The following CCDC60 variants were observed in gnomAD, a reference collection of about 807,000 sequenced individuals.
The protein encoded by CCDC60 is coiled-coil domain-containing protein 60.
Under a neutral mutation model 63.5 loss-of-function variants are expected in CCDC60, and 54 were observed. The ratio of observed to expected loss-of-function variants is 0.85; its 90% CI spans 0.68 to 1.07. The LOEUF is 1.07. CCDC60 is among the 50% of genes least tolerant of loss of function. The pLI, the probability that CCDC60 is intolerant of heterozygous loss-of-function variation, is 0.00. For synonymous variants in CCDC60, 206 were observed against 238.8 expected (o/e 0.86, Z 1.27); for missense variants, 651 against 684.3 (o/e 0.95, Z 0.54).
intron 2 of CCDC60, among the ~76,000 whole-genome samples, chr12:119,462,144 G>T (rs900902109): frequency 3.3e-5 from 5 of 152,170 alleles, no homozygotes; most frequent in African/African-American, 1.2e-4. Flanking sequence ...TTCTCAAATT[G>T]TCCAACAGTG....
At chr12:119,509,678 A>C (rs895655611) in intron 7 of CCDC60, among the ~76,000 whole-genome samples, 10 of 149,702 alleles carry the variant, frequency 6.7e-5, no homozygotes, top group Admixed American at 6.7e-4. Context: ...GATGATGGTG[A>C]TGATAAAACT....
intron 1 of CCDC60, among the ~76,000 whole-genome samples, chr12:119,337,231 C>A (rs1366214302): frequency 1.3e-5 from 2 of 152,204 alleles, no homozygotes; most frequent in Non-Finnish European, 2.9e-5. Flanking sequence ...GAAGGATGTT[C>A]AATCCAGAGC....
intron 1 of CCDC60, among the ~76,000 whole-genome samples, chr12:119,390,589 TATA>T (rs1377331454): frequency 1.3e-5 from 2 of 152,218 alleles, no homozygotes; most frequent in Admixed American, 6.5e-5. Context: ...ATTCTTTCAG[TATA>T]ATGATGCCAA....
intron 1 of CCDC60, among the ~76,000 whole-genome samples, chr12:119,408,760 G>A (rs1016791917): frequency 1.3e-5 from 2 of 152,098 alleles, no homozygotes; most frequent in African/African-American, 4.8e-5. Flanking sequence ...TGGAGGCAGA[G>A]CTTGCAGTGA....
chr12:119,498,739 CAGAT>C (rs754993511), intron 5 of CCDC60, among the ~76,000 whole-genome samples: 8 of 152,230 alleles, frequency 5.3e-5, no homozygotes, highest in East Asian at 1.9e-4. Context: ...AATAAAGAAA[CAGAT>C]AGGTGGATGG....
chr12:119,373,109 A>T (rs1955914525), intron 1 of CCDC60, among the ~76,000 whole-genome samples: 1 of 152,200 alleles, frequency 6.6e-6, no homozygotes, highest in Non-Finnish European at 1.5e-5. Flanking sequence ...TTTAAGCTGC[A>T]GAGTGGGTGG....
At chr12:119,357,389 T>C (rs1955728597) in intron 1 of CCDC60, among the ~76,000 whole-genome samples, 1 of 152,120 alleles carries the variant, frequency 6.6e-6, no homozygotes, top group Non-Finnish European at 1.5e-5. Flanking sequence ...CCTCTCTCCA[T>C]TCCCAACACC....
chr12:119,401,107 A>G (rs917019604), intron 1 of CCDC60, among the ~76,000 whole-genome samples: 3 of 152,212 alleles, frequency 2.0e-5, no homozygotes, highest in African/African-American at 7.2e-5. Flanking sequence ...TTTCAGCTCA[A>G]AGACATTATC....
intron 1 of CCDC60, among the ~76,000 whole-genome samples, chr12:119,389,114 G>C (rs139045212): frequency 7.0e-4 from 106 of 152,278 alleles, no homozygotes; most frequent in Non-Finnish European, 1.1e-3. Context: ...TCTGTGGTCT[G>C]GGGCAGTTCA....
At chr12:119,475,924 A>T (rs184871456) in intron 3 of CCDC60, among the ~76,000 whole-genome samples, 1 of 152,220 alleles carries the variant, frequency 6.6e-6, no homozygotes, top group Non-Finnish European at 1.5e-5. Context: ...CTTAATTTCC[A>T]TGAAAGCTGA....
intron 2 of CCDC60, chr12:119,433,570 T>C (rs768414665): frequency 6.0e-5 from 42 of 702,180 alleles, no homozygotes; most frequent in Non-Finnish European, 8.8e-5. Flanking sequence ...GGAAGTCATC[T>C]CTCCAAGTGG....
chr12:119,374,518 A>G (rs1353073298), intron 1 of CCDC60, among the ~76,000 whole-genome samples: 1 of 152,182 alleles, frequency 6.6e-6, no homozygotes, highest in African/African-American at 2.4e-5. Flanking sequence ...GAGAGATGCT[A>G]TAGAGGGGTG....
At chr12:119,452,991 T>C (rs1232129989) in intron 2 of CCDC60, among the ~76,000 whole-genome samples, 1 of 151,860 alleles carries the variant, frequency 6.6e-6, no homozygotes, top group African/African-American at 2.4e-5. Context: ...CCCAGCTAAT[T>C]TTATTTTGTA....
chr12:119,404,805 G>T (rs1956456684), intron 1 of CCDC60, among the ~76,000 whole-genome samples: 1 of 152,088 alleles, frequency 6.6e-6, no homozygotes, highest in African/African-American at 2.4e-5. Flanking sequence ...GCCCCTTAGA[G>T]ACAAAGATCC....
chr12:119,508,771 G>T (rs1952128368), intron 7 of CCDC60, among the ~76,000 whole-genome samples: 1 of 152,100 alleles, frequency 6.6e-6, no homozygotes. Context: ...AGTACAGGAG[G>T]GACTAGACCT....
intron 1 of CCDC60, among the ~76,000 whole-genome samples, chr12:119,340,761 G>C (rs1955524093): frequency 6.6e-6 from 1 of 152,164 alleles, no homozygotes; most frequent in Non-Finnish European, 1.5e-5. Flanking sequence ...GACCTGAAGA[G>C]ATAAATGGCG....
chr12:119,460,614 G>A (rs528785718), intron 2 of CCDC60, among the ~76,000 whole-genome samples: 2 of 152,294 alleles, frequency 1.3e-5, no homozygotes, highest in East Asian at 3.9e-4. Flanking sequence ...GGTTCAGAAA[G>A]GTCTGTTCAA....
chr12:119,370,919 G>C (rs1374371173), intron 1 of CCDC60, among the ~76,000 whole-genome samples: 1 of 152,006 alleles, frequency 6.6e-6, no homozygotes, highest in Admixed American at 6.6e-5. Context: ...GTAGTCCCAG[G>C]CACTTAAGAG....
At chr12:119,458,620 T>C (rs1253846205) in intron 2 of CCDC60, among the ~76,000 whole-genome samples, 1 of 152,228 alleles carries the variant, frequency 6.6e-6, no homozygotes, top group Admixed American at 6.5e-5. Context: ...TTTTGGGTGA[T>C]GTTCAATCCT....
Sources: gnomAD v4.1 joint callset for allele counts (sites outside exome capture counted in the v4.1 genomes callset) on GRCh38, gnomAD v4.1.1 for gene constraint, MANE v1.5 for transcripts, NCBI Gene and HGNC (gene_info 2026-07-23, HGNC 2026-07-21) for gene names.